Variants in BZW2 observed in about 807,000 individuals in gnomAD.
The protein encoded by BZW2 is eIF5-mimic protein 1.
BZW2 carries 23 observed loss-of-function variants against 53.2 expected under a neutral mutation model. The ratio of observed to expected loss-of-function variants is 0.43; its 90% CI spans 0.31 to 0.61. BZW2 has a LOEUF of 0.61. Ranked by LOEUF, BZW2 falls within the 20% of genes least tolerant of loss-of-function variation. The pLI is 0.09. For missense variants in BZW2, 409 were observed against 503.1 expected (o/e 0.81, Z 1.79); for synonymous variants, 227 against 186.4 (o/e 1.22, Z -1.77).
chr7:16,689,973 A>G, intron 7 of BZW2, 67 bp downstream of exon 7: 1 of 1,162,188 alleles, frequency 8.6e-7, no homozygotes, highest in Non-Finnish European at 1.2e-6. Context: ...AATGCCTGCA[A>G]TGTAGTATAT....
At chr7:16,680,138 G>C (rs1027267662) in intron 3 of BZW2, among the ~76,000 whole-genome samples, 4 of 152,092 alleles carry the variant, frequency 2.6e-5, no homozygotes, top group African/African-American at 9.7e-5. Flanking sequence ...AAAGGAGGGA[G>C]CAATTGTAAT....
intron 2 of BZW2, among the ~76,000 whole-genome samples, chr7:16,671,907 G>GGTGACAGA (rs1307084381): frequency 5.2e-5 from 7 of 133,442 alleles, no homozygotes; most frequent in African/African-American, 2.1e-4. Context: ...CTCCAGCCTG[G>GGTGACAGA]GTGACAGAGT....
intron 1 of BZW2, among the ~76,000 whole-genome samples, chr7:16,657,765 A>G (rs1390968772): frequency 6.6e-6 from 1 of 152,084 alleles, no homozygotes; most frequent in Non-Finnish European, 1.5e-5. Context: ...TGCCACTGGT[A>G]TGTTCAGATC....
chr7:16,670,737 C>T (rs954477905), intron 2 of BZW2, among the ~76,000 whole-genome samples: 4 of 152,216 alleles, frequency 2.6e-5, no homozygotes, highest in Non-Finnish European at 4.4e-5. Context: ...AATTCCTATG[C>T]GTTTTCCTCC....
At chr7:16,647,921 GGGGTTGTC>G (rs200724992) in intron 1 of BZW2, among the ~76,000 whole-genome samples, 1,692 of 152,238 alleles carry the variant, frequency 0.011, 57 homozygotes, top group Admixed American at 0.05. Context: ...TTGTCTCACT[GGGGTTGTC>G]AGTTCCTCGA....
chr7:16,668,872 T>C (rs1250528213), intron 2 of BZW2, among the ~76,000 whole-genome samples: 2 of 152,256 alleles, frequency 1.3e-5, no homozygotes, highest in East Asian at 3.8e-4. Context: ...TCACTTATGA[T>C]ATATTCTCCA....
intron 6 of BZW2, chr7:16,687,099 T>G (rs1377670126): frequency 6.6e-6 from 1 of 152,210 alleles, no homozygotes; most frequent in Non-Finnish European, 1.5e-5. Context: ...CTTTCTAGTT[T>G]TTTTAAAAAC....
At chr7:16,675,260 C>T (rs1412261538) in intron 3 of BZW2, among the ~76,000 whole-genome samples, 2 of 152,128 alleles carry the variant, frequency 1.3e-5, no homozygotes, top group African/African-American at 4.8e-5. Context: ...CCTGTCGTAG[C>T]TGTAAATCAC....
intron 2 of BZW2, among the ~76,000 whole-genome samples, chr7:16,673,282 A>G (rs1172163127): frequency 1.3e-5 from 2 of 152,108 alleles, no homozygotes; most frequent in East Asian, 3.9e-4. Context: ...AAAGCTACAT[A>G]ATATCTATAT....
intron 1 of BZW2, among the ~76,000 whole-genome samples, chr7:16,662,582 A>T (rs892565003): frequency 6.6e-6 from 1 of 150,932 alleles, no homozygotes; most frequent in Non-Finnish European, 1.5e-5. Context: ...CAAAACTTTT[A>T]GGAAGGACTC....
At chr7:16,699,707 C>T (rs1255857590) in intron 10 of BZW2, among the ~76,000 whole-genome samples, 2 of 151,988 alleles carry the variant, frequency 1.3e-5, no homozygotes, top group African/African-American at 2.4e-5. Context: ...ATCAGCAAAC[C>T]CATTGTTACG....
chr7:16,705,546 A>C (rs1038478175), intron 11 of BZW2, among the ~76,000 whole-genome samples: 1 of 151,558 alleles, frequency 6.6e-6, no homozygotes, highest in South Asian at 2.1e-4. Flanking sequence ...TTAGCCGGGC[A>C]TGGTGGTGGG....
At chr7:16,687,999 G>A (rs1361090881) in intron 6 of BZW2, among the ~76,000 whole-genome samples, 5 of 151,686 alleles carry the variant, frequency 3.3e-5, no homozygotes, top group South Asian at 2.1e-4. Context: ...CAGTTAAGGT[G>A]TAATGCATGT....
chr7:16,660,741 C>G (rs77637387), intron 1 of BZW2, among the ~76,000 whole-genome samples: 3,206 of 152,190 alleles, frequency 0.021, 124 homozygotes, highest in African/African-American at 0.073. Context: ...AGCCGCATTT[C>G]AAGGGATCAG....
At chr7:16,704,502 T>G (rs778836801) in intron 10 of BZW2, 45 bp from the exon 11 acceptor site, 1 of 1,469,298 alleles carries the variant, frequency 6.8e-7, no homozygotes, top group African/African-American at 1.4e-5. Context: ...TTTTGAAACA[T>G]GACATTTGTA....
chr7:16,653,983 A>G (rs1037508093), intron 1 of BZW2, among the ~76,000 whole-genome samples: 23 of 146,802 alleles, frequency 1.6e-4, no homozygotes, highest in African/African-American at 5.6e-4. Flanking sequence ...ATGGTGACTC[A>G]TGCCTGTAAT....
intron 3 of BZW2, among the ~76,000 whole-genome samples, chr7:16,676,814 C>G (rs1782779717): frequency 6.6e-6 from 1 of 152,142 alleles, no homozygotes; most frequent in Admixed American, 6.6e-5. Flanking sequence ...CCTTTTCAGA[C>G]TGAGTGACCT....
chr7:16,704,413 G>T (rs28437548), intron 10 of BZW2, 134 bp from the exon 11 acceptor site: 2 of 940,314 alleles, frequency 2.1e-6, no homozygotes, highest in African/African-American at 3.3e-5. Context: ...AATCAACTTG[G>T]TTCCTCTCTT....
intron 9 of BZW2, 162 bp from the exon 10 acceptor site, chr7:16,697,886 C>T (rs1783549227): frequency 1.3e-6 from 1 of 777,440 alleles, no homozygotes; most frequent in East Asian, 2.7e-5. Flanking sequence ...TCCTACTGTT[C>T]TGTTCCCCTC....
Sources: allele counts gnomAD v4.1 joint callset (sites outside exome capture counted in the v4.1 genomes callset), GRCh38; gene constraint gnomAD v4.1.1; transcripts MANE v1.5; gene names NCBI Gene and HGNC (gene_info 2026-07-23, HGNC 2026-07-21).